Variants in CADM2 observed in about 807,000 individuals in gnomAD.
CADM2 encodes immunoglobulin superfamily member 4D.
Under a neutral mutation model 49.8 loss-of-function variants are expected in CADM2, and 12 were observed. The ratio of observed to expected loss-of-function variants is 0.24; its 90% CI spans 0.15 to 0.39. CADM2 has a LOEUF of 0.39. Ranked by LOEUF, CADM2 falls within the 10% of genes least tolerant of loss-of-function variation. CADM2 has a pLI of 1.00. For missense variants in CADM2, 378 were observed against 492.3 expected (o/e 0.77, Z 2.20); for synonymous variants, 214 against 175.4 (o/e 1.22, Z -1.74).
intron 1 of CADM2, among the ~76,000 whole-genome samples, chr3:85,055,103 A>T (rs2036030915): frequency 6.6e-6 from 1 of 151,906 alleles, no homozygotes; most frequent in Non-Finnish European, 1.5e-5. Context: ...CCATGACCCC[A>T]CAGGGCCATC....
Position 85,710,439 on chromosome 3 carries a change from A to G in CADM2, c.62-16083A>G, listed in dbSNP as rs189655522. ...TGTCCCAGAACATTATCATATCTAT[A>G]ATTTATAGTGCATGTTAAATAAATG... On this transcript the variant is annotated intron_variant, in intron 1 of 9. Coordinates refer to ENST00000383699, the MANE Select transcript of CADM2 (RefSeq NM_001167675.2). Among the ~76,000 whole-genome samples the G allele has an allele frequency of 2.0e-4, 31 of 152,212 alleles. No homozygotes were observed. In the East Asian group the frequency reaches 3.7e-3, roughly 18 times the overall value.
intron 6 of CADM2, among the ~76,000 whole-genome samples, chr3:85,923,912 G>GT (rs777358443): frequency 6.6e-6 from 1 of 152,146 alleles, no homozygotes; most frequent in Non-Finnish European, 1.5e-5. Flanking sequence ...AGTTGTTACT[G>GT]TGTGGACATT....
At chr3:85,650,492 T>C (rs2065012972) in intron 1 of CADM2, among the ~76,000 whole-genome samples, 1 of 141,276 alleles carries the variant, frequency 7.1e-6, no homozygotes, top group South Asian at 2.4e-4. Context: ...ACAGATATTA[T>C]ATTTTAAGTG....
intron 1 of CADM2, among the ~76,000 whole-genome samples, chr3:85,396,331 T>A (rs1356375965): frequency 6.6e-6 from 1 of 151,890 alleles, no homozygotes; most frequent in Non-Finnish European, 1.5e-5. Context: ...GCATTTACTG[T>A]GGAAAGATGA....
At chr3:85,747,424 A>G (rs1013114732) in intron 2 of CADM2, among the ~76,000 whole-genome samples, 13 of 152,168 alleles carry the variant, frequency 8.5e-5, no homozygotes, top group African/African-American at 2.9e-4. Flanking sequence ...ATATTAATAT[A>G]AATAAATTGT....
chr3:86,003,736 A>T (rs1408513435), intron 8 of CADM2, among the ~76,000 whole-genome samples: 1 of 152,170 alleles, frequency 6.6e-6, no homozygotes, highest in Non-Finnish European at 1.5e-5. Context: ...CCTACATTAA[A>T]GTCTTTGTCA....
chr3:85,498,355 A>C (rs1347354905), intron 1 of CADM2, among the ~76,000 whole-genome samples: 1 of 152,154 alleles, frequency 6.6e-6, no homozygotes, highest in African/African-American at 2.4e-5. Context: ...ATGAGCTATA[A>C]TGCTGTTGGT....
chr3:85,352,441 T>C (rs547394416), intron 1 of CADM2, among the ~76,000 whole-genome samples: 1 of 152,260 alleles, frequency 6.6e-6, no homozygotes, highest in African/African-American at 2.4e-5. Context: ...AAAAACCAGC[T>C]AATTTATTTT....
intron 1 of CADM2, among the ~76,000 whole-genome samples, chr3:85,153,401 G>A (rs1340915644): frequency 6.6e-6 from 1 of 152,222 alleles, no homozygotes; most frequent in Non-Finnish European, 1.5e-5. Context: ...GGCGCACCAG[G>A]AGATTATATC....
intron 1 of CADM2, among the ~76,000 whole-genome samples, chr3:85,068,205 A>G (rs144237892): frequency 1.3e-3 from 203 of 152,222 alleles, no homozygotes; most frequent in African/African-American, 4.4e-3. Flanking sequence ...AGGAATATCT[A>G]TTTTCCCATT....
chr3:85,794,499 G>T (rs1325590314), intron 2 of CADM2, among the ~76,000 whole-genome samples: 1 of 152,064 alleles, frequency 6.6e-6, no homozygotes, highest in Admixed American at 6.6e-5. Flanking sequence ...AATGATAAGA[G>T]GAAGTAAACA....
chr3:84,982,116 T>C (rs1157000024), intron 1 of CADM2, among the ~76,000 whole-genome samples: 2 of 152,188 alleles, frequency 1.3e-5, no homozygotes, highest in Non-Finnish European at 2.9e-5. Flanking sequence ...ATCTTCCCTC[T>C]CACATGACTT....
At position 85,524,638 on chromosome 3, in the gene CADM2, T is replaced by A. The variant is rs543192636; in HGVS notation, c.62-201884T>A. Among the ~76,000 whole-genome samples the A allele has an allele frequency of 1.1e-4, 16 of 152,318 alleles. No individual in the cohort carries two copies. In the East Asian group the frequency reaches 2.5e-3, roughly 24 times the overall value. On this transcript the variant is annotated intron_variant, in intron 1 of 9. Coordinates refer to ENST00000383699, the MANE Select transcript of CADM2 (RefSeq NM_001167675.2). The stretch of plus-strand genomic sequence containing the variant: ...GGTGGCATATTCCCAAAATTTTGAT[T>A]AAATTAGTTGATAAGGTTGCTCAAG...
chr3:85,628,321 A>G (rs1037396591), intron 1 of CADM2, among the ~76,000 whole-genome samples: 6 of 151,814 alleles, frequency 4.0e-5, no homozygotes, highest in Admixed American at 2.6e-4. Context: ...CAAGAATTTT[A>G]TATTCTTTTT....
chr3:85,184,530 C>G (rs2041008557), intron 1 of CADM2, among the ~76,000 whole-genome samples: 1 of 151,990 alleles, frequency 6.6e-6, no homozygotes, highest in African/African-American at 2.4e-5. Flanking sequence ...TAGTCATAGG[C>G]ATTATATGTG....
chr3:85,933,064 G>T (rs906952800), intron 6 of CADM2, among the ~76,000 whole-genome samples: 3 of 152,064 alleles, frequency 2.0e-5, no homozygotes, highest in African/African-American at 2.4e-5. Flanking sequence ...CACATTGTGC[G>T]TTCCTCTTTT....
chr3:85,449,424 C>CAGTTTGGGG, intron 1 of CADM2, among the ~76,000 whole-genome samples: 1 of 152,052 alleles, frequency 6.6e-6, no homozygotes, highest in African/African-American at 2.4e-5. Context: ...CCTATTTATA[C>CAGTTTGGGG]AGTTTGGGGA....
intron 1 of CADM2, among the ~76,000 whole-genome samples, chr3:85,457,234 A>G (rs2038033658): frequency 1.3e-5 from 2 of 152,024 alleles, no homozygotes; most frequent in African/African-American, 4.8e-5. Flanking sequence ...GCAACATGGC[A>G]AAACACCATC....
chr3:85,175,036 C>G (rs2040740739), intron 1 of CADM2, among the ~76,000 whole-genome samples: 1 of 152,066 alleles, frequency 6.6e-6, no homozygotes, highest in Non-Finnish European at 1.5e-5. Context: ...ATCAATATCA[C>G]TAGTCATTAG....
Sources: allele counts gnomAD v4.1 joint callset (sites outside exome capture counted in the v4.1 genomes callset), GRCh38; gene constraint gnomAD v4.1.1; transcripts MANE v1.5; gene names NCBI Gene and HGNC (gene_info 2026-07-23, HGNC 2026-07-21).